SLC30A8: variants seen among roughly 807,000 people sequenced by gnomAD.
SLC30A8 encodes proton-coupled zinc antiporter SLC30A8.
SLC30A8 carries 27 observed loss-of-function variants against 36.9 expected under a neutral mutation model. The observed-to-expected ratio is 0.73, with a 90% confidence interval of 0.54 to 1.01. The LOEUF (loss-of-function observed/expected upper bound fraction) is 1.01, where lower values mean the gene tolerates loss of function less well. Among genes scored for constraint, SLC30A8 ranks in the 50% least tolerant of loss-of-function variants. The probability of loss-of-function intolerance (pLI) is 0.00; values close to 1 mark genes in which losing one functional copy is unlikely to be tolerated. For missense variants in SLC30A8, 439 were observed against 452.0 expected (o/e 0.97, Z 0.26); for synonymous variants, 164 against 172.4 (o/e 0.95, Z 0.38).
intron 2 of SLC30A8, among the ~76,000 whole-genome samples, chr8:117,049,669 GA>G (rs1019462251): frequency 2.6e-5 from 4 of 152,180 alleles, no homozygotes; most frequent in Non-Finnish European, 5.9e-5. Context: ...TTCTCCTTCT[GA>G]AAACACCAAA....
In SLC30A8 at chr8:117,172,719, A is replaced by G. The variant is rs3802178; in HGVS notation, c.*38A>G. 4.1e-3 allele frequency: 6,664 copies of G among 1,610,112 alleles called. 166 individuals carry two copies. In the East Asian group the frequency reaches 0.063, roughly 15 times the overall value. ...GTCAGTTTCCCAAATTTGACAGGCC[A>G]CCTTCAAACATGCTGCTATGCAGTT... On this transcript the variant is annotated 3_prime_UTR_variant, in exon 8 of 8. Coordinates refer to ENST00000456015, the MANE Select transcript of SLC30A8 (RefSeq NM_173851.3).
chr8:117,121,217 A>G (rs1820680905), intron 2 of SLC30A8, among the ~76,000 whole-genome samples: 1 of 151,976 alleles, frequency 6.6e-6, no homozygotes, highest in Admixed American at 6.6e-5. Flanking sequence ...ATTTTTCACA[A>G]TACCCAAGAT....
intron 1 of SLC30A8, among the ~76,000 whole-genome samples, chr8:116,985,068 A>G (rs1232350851): frequency 6.6e-6 from 1 of 152,072 alleles, no homozygotes; most frequent in Non-Finnish European, 1.5e-5. Flanking sequence ...GCAAACCCCA[A>G]AATATAAAAT....
Position 117,072,461 on chromosome 8 carries a change from C to T in SLC30A8, c.-226+33203C>T, listed in dbSNP as rs78618094. ...ATATGCCTGTGTTTATTTCTTTTTG[C>T]ATTTTCTAAGAGGTAATGTTTCATC... On this transcript the variant is annotated intron_variant, in intron 2 of 10. Coordinates refer to the SLC30A8 transcript ENST00000427715. Among the ~76,000 whole-genome samples, 461 of 152,218 alleles carry T rather than the reference C, an allele frequency of 3.0e-3. 8 individuals carry two copies. In the East Asian group the frequency reaches 0.063, roughly 21 times the overall value.
At chr8:117,119,313 T>C (rs890458302) in intron 2 of SLC30A8, among the ~76,000 whole-genome samples, 2 of 151,910 alleles carry the variant, frequency 1.3e-5, no homozygotes, top group African/African-American at 2.4e-5. Flanking sequence ...GAGATCCACC[T>C]TGGGCTAGAA....
At chr8:117,083,645 A>C (rs941559480) in intron 2 of SLC30A8, among the ~76,000 whole-genome samples, 4 of 152,156 alleles carry the variant, frequency 2.6e-5, no homozygotes, top group Admixed American at 1.3e-4. Flanking sequence ...TCTGTTTTCC[A>C]GGTAGCCTGA....
At chr8:116,993,816 A>G (rs909842871) in intron 1 of SLC30A8, among the ~76,000 whole-genome samples, 1 of 152,020 alleles carries the variant, frequency 6.6e-6, no homozygotes, top group African/African-American at 2.4e-5. Flanking sequence ...AGACAAAGTA[A>G]GGAGAATAAC....
At chr8:117,090,253 C>T (rs1012063167) in intron 2 of SLC30A8, among the ~76,000 whole-genome samples, 7 of 152,190 alleles carry the variant, frequency 4.6e-5, no homozygotes, top group African/African-American at 1.4e-4. Flanking sequence ...TGAGCCACTG[C>T]ACCTGGCCAA....
intron 1 of SLC30A8, among the ~76,000 whole-genome samples, chr8:117,017,254 T>C (rs1280593579): frequency 1.3e-5 from 2 of 152,184 alleles, no homozygotes; most frequent in African/African-American, 4.8e-5. Context: ...TTAAAGATCA[T>C]AGTTACAGGG....
chr8:117,083,687 A>C (rs1321167763), intron 2 of SLC30A8, among the ~76,000 whole-genome samples: 2 of 152,088 alleles, frequency 1.3e-5, no homozygotes, highest in African/African-American at 4.8e-5. Flanking sequence ...TGATGTTTAG[A>C]TCATGTAGCT....
At position 116,997,801 on chromosome 8, in the gene SLC30A8, G is replaced by A. The variant is rs1366509765; in HGVS notation, c.-265-41418G>A. Among the ~76,000 whole-genome samples the A allele has an allele frequency of 2.0e-5, 3 of 152,146 alleles. No individual in the cohort carries two copies. In the East Asian group the frequency reaches 5.8e-4, roughly 29 times the overall value. On this transcript the variant is annotated intron_variant, in intron 1 of 10. Coordinates refer to the SLC30A8 transcript ENST00000427715. The stretch of plus-strand genomic sequence containing the variant: ...CCAGTCGTTCATTCATTCAATCAGT[G>A]AGCATAGATGGGCCTCCTGGGAGCC...
chr8:117,156,761 A>G (rs1023906415), intron 3 of SLC30A8, among the ~76,000 whole-genome samples: 2 of 152,254 alleles, frequency 1.3e-5, no homozygotes, highest in Non-Finnish European at 2.9e-5. Context: ...TTAATAAGAC[A>G]GGTAGCATGT....
chr8:117,037,140 CT>C (rs961281993), intron 1 of SLC30A8, among the ~76,000 whole-genome samples: 1 of 151,944 alleles, frequency 6.6e-6, no homozygotes, highest in African/African-American at 2.4e-5. Context: ...AAAATAGATT[CT>C]TTTTTGGCAG....
intron 1 of SLC30A8, among the ~76,000 whole-genome samples, chr8:117,138,230 G>A (rs559934122): frequency 1.7e-4 from 26 of 151,768 alleles, no homozygotes; most frequent in African/African-American, 6.0e-4. Context: ...AGGAATAGAT[G>A]GTAGAGGTAA....
intron 1 of SLC30A8, among the ~76,000 whole-genome samples, chr8:116,981,266 G>A (rs1016314340): frequency 4.6e-5 from 7 of 152,300 alleles, no homozygotes; most frequent in Admixed American, 2.6e-4. Flanking sequence ...GTGCTCTAGA[G>A]AACCAGGTGG....
At chr8:117,171,298 T>A in intron 7 of SLC30A8, 130 bp downstream of exon 7, 7 of 1,061,976 alleles carry the variant, frequency 6.6e-6, no homozygotes, top group Non-Finnish European at 9.9e-6. Flanking sequence ...TGTTTTCTAT[T>A]ACCAAGGGCC....
At chr8:116,987,718 CTGAG>C (rs1267104654) in intron 1 of SLC30A8, among the ~76,000 whole-genome samples, 3 of 152,094 alleles carry the variant, frequency 2.0e-5, no homozygotes, top group African/African-American at 7.2e-5. Context: ...TTTTCTGAGA[CTGAG>C]TATCACTGTG....
intron 5 of SLC30A8, 61 bp downstream of exon 5, chr8:117,161,949 C>G (rs1373290247): frequency 7.0e-7 from 1 of 1,435,910 alleles, no homozygotes; most frequent in African/African-American, 1.4e-5. Flanking sequence ...CAGAAGCTGA[C>G]CCTCCAACAT....
chr8:117,055,412 C>G (rs2130778575), intron 2 of SLC30A8, among the ~76,000 whole-genome samples: 1 of 152,324 alleles, frequency 6.6e-6, no homozygotes, highest in African/African-American at 2.4e-5. Flanking sequence ...CTTAACTTGG[C>G]TCCCCCAGGG....
Sources: allele counts gnomAD v4.1 joint callset (sites outside exome capture counted in the v4.1 genomes callset), GRCh38; gene constraint gnomAD v4.1.1; transcripts MANE v1.5; gene names NCBI Gene and HGNC (gene_info 2026-07-23, HGNC 2026-07-21).